Variants in PHTF1 observed in about 807,000 individuals in gnomAD.
PHTF1 encodes putative homeodomain transcription factor 1.
PHTF1 carries 88 observed loss-of-function variants against 102.4 expected under a neutral mutation model. The ratio of observed to expected loss-of-function variants is 0.86; its 90% CI spans 0.72 to 1.03. The LOEUF (loss-of-function observed/expected upper bound fraction) is 1.03. Among genes scored for constraint, PHTF1 ranks in the 50% least tolerant of loss-of-function variants. The pLI is 0.00. For synonymous variants in PHTF1, 289 were observed against 305.2 expected (o/e 0.95, Z 0.55); for missense variants, 814 against 909.5 (o/e 0.89, Z 1.35).
In PHTF1 at chr1:113,757,746, A is replaced by T. The variant is rs759295278; in HGVS notation, c.55T>A (p.Tyr19Asn). The change falls in exon 3 of 19, where the codon TAC becomes AAC. Residue 19 changes from tyrosine (Y) to asparagine (N), a missense_variant. Coordinates refer to ENST00000369604, the MANE Select transcript of PHTF1 (RefSeq NM_001323043.2). Reference protein sequence around the residue: ...ISWYQKKIGAYDQQIWEKSIE... With the variant: ...ISWYQKKIGANDQQIWEKSIE... ...GACTTTTCCCATATCTGCTGATCGT[A>T]GGCTCCAATCTGAAAGAGGGAGTAG... The T allele has an allele frequency of 1.2e-6, 2 of 1,603,270 alleles. No individual in the cohort carries two copies. The highest frequency in any genetic ancestry group is 2.2e-5 in the South Asian group (2 of 90,822).
In PHTF1 at chr1:113,712,083, A is replaced by C. The variant is rs1046460736; in HGVS notation, c.814T>G (p.Ser272Ala). Residue 272 changes from serine (S) to alanine (A), a missense_variant, in exon 9 of 19, where the codon TCT becomes GCT. Physicochemically the swap from Ser to Ala is moderately conservative, Grantham distance 99. Coordinates refer to ENST00000369604, the MANE Select transcript of PHTF1 (RefSeq NM_001323043.2). The stretch of plus-strand genomic sequence containing the variant: ...TCTTCTTCACTTGACAGGTCATCAG[A>C]CACCCCATTACCCAAACGCCTAAAA... ...EAFRRLGNGV[S>A]DDLSSEEDGE... 4 of 1,613,946 alleles carry C rather than the reference A, an allele frequency of 2.5e-6. No individual in the cohort carries two copies. The highest frequency in any genetic ancestry group is 3.4e-6 in the Non-Finnish European group (4 of 1,180,000).
At chr1:113,747,401 A>G (rs1301808444) in intron 3 of PHTF1, among the ~76,000 whole-genome samples, 2 of 152,132 alleles carry the variant, frequency 1.3e-5, no homozygotes, top group African/African-American at 2.4e-5. Context: ...AACACAACAT[A>G]TATCAGTTTA....
chr1:113,710,559 C>T (rs1650914052), intron 10 of PHTF1, 84 bp from the exon 11 acceptor site: 6 of 987,898 alleles, frequency 6.1e-6, no homozygotes, highest in Admixed American at 2.2e-5. Context: ...AACTTATCTA[C>T]AGCAATGGCT....
At chr1:113,743,331 A>C (rs890470614) in intron 3 of PHTF1, among the ~76,000 whole-genome samples, 14 of 151,602 alleles carry the variant, frequency 9.2e-5, no homozygotes, top group Admixed American at 1.3e-4. Context: ...ATTGTCTCCC[A>C]CCTCCATATC....
rs1317663646 is a variant in PHTF1 at position 113,735,981 on chromosome 1, G to A, written c.331+2129C>T. On this transcript the variant is annotated intron_variant, in intron 5 of 18. Coordinates refer to ENST00000369604, the MANE Select transcript of PHTF1 (RefSeq NM_001323043.2). The stretch of plus-strand genomic sequence containing the variant: ...ACACAGTTAGAAAACATCAGGTAGC[G>A]ATGTGTAACCCAGAAATTAAAATTG... 3.9e-5 allele frequency among the ~76,000 whole-genome samples: 6 copies of A among 152,166 alleles called. No homozygotes were observed. The East Asian group carries it at 5.8e-4, about 15-fold the overall frequency.
chr1:113,723,836 C>T (rs1349202063), intron 7 of PHTF1, among the ~76,000 whole-genome samples: 1 of 152,106 alleles, frequency 6.6e-6, no homozygotes, highest in African/African-American at 2.4e-5. Context: ...AGTGAAAATA[C>T]AACTCACAGA....
At position 113,700,927 on chromosome 1, in the gene PHTF1, A is replaced by G. The variant is rs1227472536; in HGVS notation, c.1913T>C (p.Phe638Ser). 1.2e-6 allele frequency: 2 copies of G among 1,611,286 alleles called. No individual in the cohort carries two copies. The highest frequency in any genetic ancestry group is 1.1e-5 in the South Asian group (1 of 90,600). ...CAQVLQGHKTFLNDAYNWEFL... is the reference protein window; with the variant it reads ...CAQVLQGHKTSLNDAYNWEFL... ...CTCCCAGTTATAAGCATCATTCAGG[A>G]AAGTTTTATGTCCTTGGAGAACCTA... Residue 638 changes from phenylalanine (F) to serine (S), a missense_variant, in exon 16 of 19, where the codon TTC becomes TCC. Physicochemically the swap from Phe to Ser is radical, Grantham distance 155 (BLOSUM62 -2). Transcript: ENST00000369604.
At chr1:113,756,917 C>T (rs1385426972) in intron 3 of PHTF1, among the ~76,000 whole-genome samples, 1 of 152,120 alleles carries the variant, frequency 6.6e-6, no homozygotes, top group African/African-American at 2.4e-5. Flanking sequence ...CCTGTAATCC[C>T]AGCACTTTGG....
At chr1:113,745,940 C>T (rs1657172029) in intron 3 of PHTF1, among the ~76,000 whole-genome samples, 1 of 152,118 alleles carries the variant, frequency 6.6e-6, no homozygotes, top group Non-Finnish European at 1.5e-5. Context: ...GTAAAACCAT[C>T]CCCCCACACC....
chr1:113,699,945 G>T (rs1162509868), intron 16 of PHTF1, 146 bp from the exon 17 acceptor site: 1 of 686,512 alleles, frequency 1.5e-6, no homozygotes, highest in Admixed American at 3.5e-5. Flanking sequence ...CATATGTCAT[G>T]TGCTCTAGCC....
chr1:113,716,062 T>TAAC (rs1651977606), intron 7 of PHTF1, among the ~76,000 whole-genome samples: 1 of 151,880 alleles, frequency 6.6e-6, no homozygotes, highest in Non-Finnish European at 1.5e-5. Context: ...AAAGGGATAA[T>TAAC]AACAGGAAAC....
chr1:113,703,844 T>G (rs1649713736), intron 15 of PHTF1: 1 of 462,262 alleles, frequency 2.2e-6, no homozygotes, highest in Non-Finnish European at 3.9e-6. Context: ...TATGATAGTT[T>G]TATTATCAAT....
intron 3 of PHTF1, among the ~76,000 whole-genome samples, chr1:113,742,986 G>C (rs1656662418): frequency 1.3e-5 from 2 of 151,804 alleles, no homozygotes; most frequent in South Asian, 4.2e-4. Context: ...TGTTGTTGTT[G>C]TTGTTTTTGT....
intron 5 of PHTF1, among the ~76,000 whole-genome samples, chr1:113,729,797 G>GT (rs1252735738): frequency 6.6e-6 from 1 of 152,148 alleles, no homozygotes; most frequent in Non-Finnish European, 1.5e-5. Flanking sequence ...GGACTGAAGG[G>GT]TGATGGAGAC....
At position 113,697,484 on chromosome 1, in the gene PHTF1, C is replaced by A; in HGVS notation, c.*221G>T. 2 of 484,732 alleles carry A rather than the reference C, an allele frequency of 4.1e-6. No homozygotes were observed. The highest frequency in any genetic ancestry group is 7.5e-6 in the Non-Finnish European group (2 of 266,328). 30.0% of individuals were successfully genotyped at this position (484,732 alleles called of 1,614,324 possible). ...CACAGTCTTTAGTCAGCTGACTATT[C>A]ATGTTGTTTGAAAAGCATGAAAATA... On this transcript the variant is annotated 3_prime_UTR_variant, in exon 19 of 19. Coordinates refer to ENST00000369604, the MANE Select transcript of PHTF1 (RefSeq NM_001323043.2).
chr1:113,738,664 A>G, intron 4 of PHTF1, 66 bp downstream of exon 4: 1 of 918,576 alleles, frequency 1.1e-6, no homozygotes, highest in Non-Finnish European at 1.7e-6. Context: ...TAGAGAAGAT[A>G]TTGAAAATTA....
chr1:113,738,847 TTTTA>T (rs754276782), intron 3 of PHTF1, 48 bp from the exon 4 acceptor site: 177 of 1,255,970 alleles, frequency 1.4e-4, no homozygotes, highest in Admixed American at 2.8e-4. Context: ...AGAAAAGCCC[TTTTA>T]TTTATTTATT....
Position 113,704,118 on chromosome 1 carries a change from A to C in PHTF1, c.1853T>G (p.Leu618Arg). ...AATGAAAGCAATCGAAAGTGTCAGT[A>C]GGAAAACCGAGGATACAACCACATC... ...SVDVVVSSVFLLTLSIAFICC... is the reference protein window; with the variant it reads ...SVDVVVSSVFRLTLSIAFICC... The change falls in exon 15 of 19, where the codon CTA becomes CGA. Residue 618 changes from leucine (L) to arginine (R), a missense_variant. Physicochemically the swap from Leu to Arg is moderately radical, Grantham distance 102. Transcript: ENST00000369604. The C allele has an allele frequency of 6.2e-7, 1 of 1,613,610 alleles. No homozygotes were observed. The highest frequency in any genetic ancestry group is 8.5e-7 in the Non-Finnish European group (1 of 1,179,518).
At chr1:113,707,885 T>C (rs1459313231) in intron 11 of PHTF1, among the ~76,000 whole-genome samples, 1 of 151,862 alleles carries the variant, frequency 6.6e-6, no homozygotes, top group Non-Finnish European at 1.5e-5. Flanking sequence ...TGCCTGGAAA[T>C]AAAAAGGAAT....
Sources: gnomAD v4.1 joint callset for allele counts (sites outside exome capture counted in the v4.1 genomes callset) on GRCh38, gnomAD v4.1.1 for gene constraint, MANE v1.5 for transcripts, NCBI Gene and HGNC (gene_info 2026-07-23, HGNC 2026-07-21) for gene names.